ATXN10: variants seen among roughly 807,000 people sequenced by gnomAD.
ATXN10 encodes ataxin 10.
In ATXN10, 28 loss-of-function variants were observed where a neutral mutation model predicts 52.9. The ratio of observed to expected loss-of-function variants is 0.53; its 90% CI spans 0.39 to 0.73. ATXN10 has a LOEUF of 0.73. ATXN10 is among the 30% of genes least tolerant of loss of function. The pLI, the probability that ATXN10 is intolerant of heterozygous loss-of-function variation, is 0.00. For synonymous variants in ATXN10, 226 were observed against 221.5 expected, an observed-to-expected ratio of 1.02 and a Z score of -0.18; for missense variants, 565 against 577.0, an observed-to-expected ratio of 0.98 and a Z score of 0.21.
intron 10 of ATXN10, 41 bp downstream of exon 10, chr22:45,807,063 G>A (rs760456780): frequency 1.2e-5 from 18 of 1,554,226 alleles, no homozygotes; most frequent in Admixed American, 3.3e-5. Flanking sequence ...GTTTACAGCC[G>A]GGGCCCTTAG....
chr22:45,698,919 C>CAAAACTTTAT (rs1322369397), intron 3 of ATXN10, among the ~76,000 whole-genome samples: 4 of 152,188 alleles, frequency 2.6e-5, no homozygotes, highest in African/African-American at 9.6e-5. Flanking sequence ...GACTCTTTCT[C>CAAAACTTTAT]TGTGAGAACT....
rs376391393 is a variant in ATXN10, at chr22:45,702,284, T to A, written c.489-405T>A. Among the ~76,000 whole-genome samples the A allele has an allele frequency of 4.0e-4, 61 of 152,328 alleles. 2 individuals are homozygous for A. In the South Asian group the frequency reaches 0.012, roughly 31 times the overall value. On this transcript the variant is annotated intron_variant, in intron 4 of 11. Transcript: ENST00000252934. ...CCAAATTCTATTTCTTGCCCCACTA[T>A]ACCATCTCTCCTGTAGGCATCTTGT...
In ATXN10 at chr22:45,718,713, C is replaced by T. The variant is rs1924541627; in HGVS notation, c.728+220C>T. 6.6e-6 allele frequency among the ~76,000 whole-genome samples: 1 copy of T among 152,080 alleles called. No individual in the cohort carries two copies. On this transcript the variant is annotated intron_variant, in intron 6 of 11. Coordinates refer to ENST00000252934, the MANE Select transcript of ATXN10 (RefSeq NM_013236.4). This position sits in a 1 kb window ranked among gnomAD's most constrained non-coding sequence, Gnocchi z 4.4. ...CAGGATCCAGGTTGGTGCCATTATT[C>T]AGTAAATGCATATTAAGAAAAACAT...
intron 2 of ATXN10, 56 bp downstream of exon 2, chr22:45,689,959 G>A: frequency 6.3e-7 from 1 of 1,577,108 alleles, no homozygotes; most frequent in Non-Finnish European, 8.7e-7. Context: ...TGCTGGTTCT[G>A]TCATTTGGTT....
intron 5 of ATXN10, among the ~76,000 whole-genome samples, chr22:45,709,393 G>T (rs1351139832): frequency 6.6e-6 from 1 of 152,172 alleles, no homozygotes; most frequent in Non-Finnish European, 1.5e-5. Flanking sequence ...GCACATAAAG[G>T]GATTTATTGG....
rs759510793 is a variant in ATXN10 at position 45,684,875 on chromosome 22, C to G, written c.117-4837C>G. Among the ~76,000 whole-genome samples, 2 of 152,166 alleles carry G rather than the reference C, an allele frequency of 1.3e-5. No individual in the cohort carries two copies. ...TTTTTATTTTCTGTTTTTGTTCAAT[C>G]CTGCCCAGTCAAATCAGCAAGATTA... On this transcript the variant is annotated intron_variant, in intron 1 of 11. Transcript: ENST00000252934. This position sits in a 1 kb window ranked among gnomAD's most constrained non-coding sequence, Gnocchi z 4.1.
chr22:45,672,547 G>A lies in ATXN10; in HGVS notation c.116+368G>A, dbSNP rs551408556. ...CTGCAAGACCCACGCGGCCCCCAGA[G>A]TCATAAAGCGTGTGTTTTAGCGGGA... On this transcript the variant is annotated intron_variant, in intron 1 of 11. Coordinates refer to ENST00000252934, the MANE Select transcript of ATXN10 (RefSeq NM_013236.4). The A allele has an allele frequency of 2.6e-5, 4 of 154,610 alleles. No individual in the cohort carries two copies. In the South Asian group the frequency reaches 8.3e-4, roughly 32 times the overall value. The allele number at this position is 154,610 out of a possible 1,614,324, so 9.6% of individuals were successfully genotyped here. A position where few individuals can be genotyped will look rare whatever the true frequency, so the allele number is the denominator to read the frequency against.
chr22:45,740,475 T>G lies in ATXN10; in HGVS notation c.1110T>G (p.Phe370Leu). Residue 370 changes from phenylalanine to leucine, a missense_variant, in exon 9 of 12, where the codon TTT becomes TTG. By Grantham distance (22) the Phe-to-Leu change is conservative. Transcript: ENST00000252934. Reference sequence around the variant, plus strand: ...ACATCTCCAATGTGGCCAATGGGTTTAAGTCTCATCTCATTCGTCTGATTG... The same window carrying G: ...ACATCTCCAATGTGGCCAATGGGTTGAAGTCTCATCTCATTCGTCTGATTG... ...EGDISNVANG[F>L]KSHLIRLIGN... 6.2e-7 allele frequency: 1 copy of G among 1,613,910 alleles called. No individual in the cohort carries two copies. The highest frequency in any genetic ancestry group is 8.5e-7 in the Non-Finnish European group (1 of 1,179,910).
chr22:45,704,715 C>T (rs1923972379), intron 5 of ATXN10, among the ~76,000 whole-genome samples: 1 of 152,082 alleles, frequency 6.6e-6, no homozygotes, highest in Non-Finnish European at 1.5e-5. Flanking sequence ...CAGGACCGTG[C>T]CATCTGCAAG....
rs1445891441 is a variant in ATXN10, at chr22:45,786,177, CAG to C, written c.1174-20778_1174-20777del. Among the ~76,000 whole-genome samples, 1 of 152,304 alleles carries C rather than the reference CAG, an allele frequency of 6.6e-6. No individual in the cohort carries two copies. Among genetic ancestry groups the C allele is most frequent in the African/African-American group, 2.4e-5 (1 of 41,572 alleles). ...TTTTCTGGAATTTGGTAGTTGAACT[CAG>C]AGAATATTTGTATTAATCACATTGT... On this transcript the variant is annotated intron_variant, in intron 9 of 11. Transcript: ENST00000252934. The surrounding 1 kb of genome is among the most constrained non-coding windows in gnomAD (Gnocchi z 4.1).
intron 9 of ATXN10, among the ~76,000 whole-genome samples, chr22:45,767,306 T>G (rs940968754): frequency 6.6e-6 from 1 of 152,164 alleles, no homozygotes; most frequent in Non-Finnish European, 1.5e-5. Context: ...GAGTGATGTA[T>G]TATTATGTGG....
intron 5 of ATXN10, among the ~76,000 whole-genome samples, chr22:45,713,034 G>A (rs1924309668): frequency 6.6e-6 from 1 of 151,978 alleles, no homozygotes; most frequent in Admixed American, 6.6e-5. Flanking sequence ...TGTGAGTATA[G>A]CATCGCCATT....
At chr22:45,689,021 C>T (rs1303166733) in intron 1 of ATXN10, among the ~76,000 whole-genome samples, 1 of 152,070 alleles carries the variant, frequency 6.6e-6, no homozygotes, top group African/African-American at 2.4e-5. Context: ...ACCACAGGTT[C>T]ATCTTTCTCC....
At chr22:45,803,415 C>A (rs1927991838) in intron 9 of ATXN10, among the ~76,000 whole-genome samples, 1 of 152,196 alleles carries the variant, frequency 6.6e-6, no homozygotes, top group South Asian at 2.1e-4. Flanking sequence ...TCATCTTAAG[C>A]TAAATGCCAC....
chr22:45,693,418 C>T (rs1569025234), intron 3 of ATXN10, among the ~76,000 whole-genome samples: 1 of 152,022 alleles, frequency 6.6e-6, no homozygotes, highest in East Asian at 1.9e-4. Flanking sequence ...GGGTGTTTTG[C>T]GGGGGCTGCT....
rs1194664870 is a variant in ATXN10, at chr22:45,770,122, A to G, written c.1173+29584A>G. Among the ~76,000 whole-genome samples the G allele has an allele frequency of 6.6e-6, 1 of 152,204 alleles. No homozygotes were observed. The highest frequency in any genetic ancestry group is 1.5e-5 in the Non-Finnish European group (1 of 68,028). On this transcript the variant is annotated intron_variant, in intron 9 of 11. Transcript: ENST00000252934. This position sits in a 1 kb window ranked among gnomAD's most constrained non-coding sequence, Gnocchi z 4.5. ...GCTCTGTGCTTTCTGTATGCCATTT[A>G]CCTAGGAGAGGTGTTACTCCTGTCT...
rs1411341605 is a variant in ATXN10 at position 45,805,888 on chromosome 22, C to T, written c.1174-1071C>T. The stretch of plus-strand genomic sequence containing the variant: ...TCAGCAAAAAATGAACTGGGCCAGG[C>T]ACAGTCACTCATGCCGATAATCCCA... On this transcript the variant is annotated intron_variant, in intron 9 of 11. Coordinates refer to ENST00000252934, the MANE Select transcript of ATXN10 (RefSeq NM_013236.4). This position sits in a 1 kb window ranked among gnomAD's most constrained non-coding sequence, Gnocchi z 4.4. 6.6e-6 allele frequency among the ~76,000 whole-genome samples: 1 copy of T among 152,178 alleles called. No individual in the cohort carries two copies. Among genetic ancestry groups the T allele is most frequent in the Non-Finnish European group, 1.5e-5 (1 of 68,028 alleles).
intron 7 of ATXN10, among the ~76,000 whole-genome samples, chr22:45,737,313 G>A (rs1201400298): frequency 6.6e-6 from 1 of 152,184 alleles, no homozygotes; most frequent in Non-Finnish European, 1.5e-5. Flanking sequence ...GTTACCTTTT[G>A]CATGGGCTGT....
At position 45,690,946 on chromosome 22, in the gene ATXN10, G is replaced by A. The variant is rs1601590489; in HGVS notation, c.308+1043G>A. 1.3e-5 allele frequency among the ~76,000 whole-genome samples: 2 copies of A among 152,176 alleles called. No homozygotes were observed. Among genetic ancestry groups the A allele is most frequent in the South Asian group, 2.1e-4 (1 of 4,820 alleles). ...CAGGCTTCCCTGTCACCACTGTGACGGGTAAGCTTGGGCTGGTCCAGAAGC... is the reference window on the plus strand; with the variant it reads ...CAGGCTTCCCTGTCACCACTGTGACAGGTAAGCTTGGGCTGGTCCAGAAGC... On this transcript the variant is annotated intron_variant, in intron 2 of 11. Transcript: ENST00000252934. The surrounding 1 kb of genome is among the most constrained non-coding windows in gnomAD (Gnocchi z 4.5).
Sources: allele counts gnomAD v4.1 joint callset (sites outside exome capture counted in the v4.1 genomes callset), GRCh38; gene constraint gnomAD v4.1.1; non-coding constraint Gnocchi (gnomAD v3.1); transcripts MANE v1.5; gene names NCBI Gene and HGNC (gene_info 2026-07-23, HGNC 2026-07-21).